Variants in LAMP3 observed in about 807,000 individuals in gnomAD.
The protein encoded by LAMP3 is lysosome-associated membrane glycoprotein 3.
A neutral mutation model predicts 34.8 loss-of-function variants in LAMP3; 26 were observed. That is an observed-to-expected ratio of 0.75 (90% confidence interval 0.55 to 1.04). The LOEUF is 1.04. LAMP3 is among the 50% of genes least tolerant of loss of function. LAMP3 has a pLI of 0.00. For synonymous variants in LAMP3, 180 were observed against 201.9 expected, an observed-to-expected ratio of 0.89 and a Z score of 0.92; for missense variants, 495 against 524.0, an observed-to-expected ratio of 0.94 and a Z score of 0.54.
At chr3:183,154,838 A>G (rs12493054) in intron 1 of LAMP3, among the ~76,000 whole-genome samples, 9,655 of 152,318 alleles carry the variant, frequency 0.063, 413 homozygotes, top group Admixed American at 0.11. Context: ...AAAGATTTAC[A>G]GAGTTACACA....
chr3:183,149,410 C>T (rs938222443), intron 3 of LAMP3, among the ~76,000 whole-genome samples: 14 of 150,978 alleles, frequency 9.3e-5, no homozygotes, highest in Non-Finnish European at 1.8e-4. Flanking sequence ...CGTGGTGGTG[C>T]GTGGCTGTAG....
chr3:183,137,553 G>A (rs1035027506), intron 4 of LAMP3, among the ~76,000 whole-genome samples: 4 of 152,038 alleles, frequency 2.6e-5, no homozygotes, highest in Non-Finnish European at 1.5e-5. Flanking sequence ...ACATGCAAAT[G>A]CCCTATACAA....
chr3:183,155,378 A>AT (rs1406983561), intron 1 of LAMP3, among the ~76,000 whole-genome samples: 1 of 152,128 alleles, frequency 6.6e-6, no homozygotes, highest in Non-Finnish European at 1.5e-5. Context: ...AATTCCTGTC[A>AT]TTTTCGTACT....
At chr3:183,144,225 A>G (rs1216026383) in intron 3 of LAMP3, among the ~76,000 whole-genome samples, 1 of 152,192 alleles carries the variant, frequency 6.6e-6, no homozygotes, top group Non-Finnish European at 1.5e-5. Context: ...TCTCTGCAAA[A>G]TTTAGATTTT....
chr3:183,152,236 C>T, intron 3 of LAMP3, 139 bp downstream of exon 3: 1 of 928,562 alleles, frequency 1.1e-6, no homozygotes, highest in South Asian at 2.0e-5. Context: ...TTGACACTTC[C>T]TCCTCTCCAT....
chr3:183,135,978 C>A lies in LAMP3; in HGVS notation c.947-91G>T, dbSNP rs138642794. 1.0e-5 allele frequency: 10 copies of A among 961,238 alleles called. No homozygotes were observed. The East Asian group carries it at 2.2e-4, about 21-fold the overall frequency. The allele number at this position is 961,238 out of a possible 1,614,324, so 59.5% of individuals were successfully genotyped here. On this transcript the variant is annotated intron_variant, in intron 4 of 5. Coordinates refer to ENST00000265598, the MANE Select transcript of LAMP3 (RefSeq NM_014398.4). ...GGGCTGCCTGTGCACAGCTAAATGG[C>A]CTTCCTTCCTTCCGAGGGGCTTTCT...
intron 5 of LAMP3, among the ~76,000 whole-genome samples, chr3:183,125,308 C>T (rs1719756638): frequency 6.6e-6 from 1 of 152,142 alleles, no homozygotes; most frequent in Non-Finnish European, 1.5e-5. Flanking sequence ...TCACCATCAA[C>T]CCAATTCAGT....
intron 4 of LAMP3, among the ~76,000 whole-genome samples, chr3:183,136,599 C>T (rs968572764): frequency 5.0e-5 from 7 of 138,834 alleles, no homozygotes; most frequent in Non-Finnish European, 7.6e-5. Flanking sequence ...TGTGTTGAGC[C>T]GAGATTGTGC....
chr3:183,151,792 A>G (rs1261109468), intron 3 of LAMP3, among the ~76,000 whole-genome samples: 1 of 152,096 alleles, frequency 6.6e-6, no homozygotes, highest in African/African-American at 2.4e-5. Context: ...GCTAAAGACC[A>G]AACAGGTTAA....
chr3:183,160,639 A>T (rs900452720), intron 1 of LAMP3, among the ~76,000 whole-genome samples: 1 of 152,158 alleles, frequency 6.6e-6, no homozygotes, highest in Non-Finnish European at 1.5e-5. Flanking sequence ...TAAAATAGGG[A>T]TAAGAATAGC....
Position 183,135,806 on chromosome 3 carries a change from T to C in LAMP3, c.1028A>G (p.Gln343Arg), listed in dbSNP as rs775457692. The change falls in exon 5 of 6, where the codon CAG becomes CGG. Residue 343 changes from glutamine (Q) to arginine (R), a missense_variant. Physicochemically the swap from Gln to Arg is conservative, Grantham distance 43 (BLOSUM62 1). Transcript: ENST00000265598. ...VGHSFKCVSE[Q>R]SLQLSAHLQV... is the part of the protein sequence containing the mutation. ...CAGGTGGGCTGACAACTGGAGGCTC[T>C]GTTCACTCACGCACTTGAAGGAATG... is the stretch of plus-strand genomic sequence containing the variant. The C allele has an allele frequency of 1.2e-6, 2 of 1,614,138 alleles. No individual in the cohort carries two copies. Among genetic ancestry groups the C allele is most frequent in the South Asian group, 1.1e-5 (1 of 91,084 alleles).
In LAMP3 at chr3:183,147,816, G is replaced by A. The variant is rs112332909; in HGVS notation, c.888+4559C>T. ...TGCAGCCTTGACCTCTTAGGCTCAA[G>A]CAATCATCCCACCTCAGCTTGCATG... On this transcript the variant is annotated intron_variant, in intron 3 of 5. Coordinates refer to ENST00000265598, the MANE Select transcript of LAMP3 (RefSeq NM_014398.4). Among the ~76,000 whole-genome samples, 1,018 of 152,240 alleles carry A rather than the reference G, an allele frequency of 6.7e-3. 3 individuals carry two copies. Among genetic ancestry groups the A allele is most frequent in the Non-Finnish European group, 0.012 (785 of 68,018 alleles).
chr3:183,162,519 C>T, intron 1 of LAMP3, 88 bp downstream of exon 1: 1 of 1,339,218 alleles, frequency 7.5e-7, no homozygotes, highest in Non-Finnish European at 1.0e-6. Flanking sequence ...CGCAGCCCGT[C>T]CTGTGGCGCC....
intron 5 of LAMP3, among the ~76,000 whole-genome samples, chr3:183,130,088 T>C (rs1477829078): frequency 2.0e-5 from 3 of 152,112 alleles, no homozygotes; most frequent in Non-Finnish European, 4.4e-5. Flanking sequence ...ACATTTCTGT[T>C]ATTTAAGGCA....
At chr3:183,150,999 C>T (rs577995384) in intron 3 of LAMP3, among the ~76,000 whole-genome samples, 1 of 152,290 alleles carries the variant, frequency 6.6e-6, no homozygotes, top group African/African-American at 2.4e-5. Flanking sequence ...TCAAGCGCAA[C>T]TCTACCTTGT....
At chr3:183,144,327 C>A (rs979535754) in intron 3 of LAMP3, among the ~76,000 whole-genome samples, 1 of 152,108 alleles carries the variant, frequency 6.6e-6, no homozygotes, top group Non-Finnish European at 1.5e-5. Context: ...CGTGAAGGAG[C>A]CATAGACTTT....
intron 1 of LAMP3, among the ~76,000 whole-genome samples, chr3:183,156,214 G>T (rs1720818476): frequency 6.6e-6 from 1 of 152,158 alleles, no homozygotes; most frequent in Admixed American, 6.5e-5. Flanking sequence ...AGAAAAATTA[G>T]CTGGGCATGG....
intron 4 of LAMP3, among the ~76,000 whole-genome samples, chr3:183,138,695 G>T (rs1168069576): frequency 1.3e-5 from 2 of 152,054 alleles, no homozygotes. Context: ...TAAATCTGAG[G>T]TATCATTTTC....
Position 183,123,657 on chromosome 3 carries a change from T to C in LAMP3, c.*424A>G, listed in dbSNP as rs1360798916. The C allele has an allele frequency of 5.9e-6, 1 of 170,354 alleles. No individual in the cohort carries two copies. Among genetic ancestry groups the C allele is most frequent in the African/African-American group, 2.4e-5 (1 of 41,548 alleles). The allele number at this position is 170,354 out of a possible 1,614,324, so 10.6% of individuals were successfully genotyped here. On this transcript the variant is annotated 3_prime_UTR_variant, in exon 6 of 6. Coordinates refer to ENST00000265598, the MANE Select transcript of LAMP3 (RefSeq NM_014398.4). ...CATAAAACACAGATAGTAAAAGCACTGAAAGTCCATTTGATAACAAAGCAA... is the reference window on the plus strand; with the variant it reads ...CATAAAACACAGATAGTAAAAGCACCGAAAGTCCATTTGATAACAAAGCAA...
Sources: allele counts gnomAD v4.1 joint callset (sites outside exome capture counted in the v4.1 genomes callset), GRCh38; gene constraint gnomAD v4.1.1; transcripts MANE v1.5; gene names NCBI Gene and HGNC (gene_info 2026-07-23, HGNC 2026-07-21).